The following NLGN1 variants were observed in gnomAD, a reference collection of about 807,000 sequenced individuals.
NLGN1 encodes the protein neuroligin-1.
Under a neutral mutation model 65.5 loss-of-function variants are expected in NLGN1, and 12 were observed. The observed-to-expected ratio is 0.18, with a 90% confidence interval of 0.12 to 0.30. The LOEUF (loss-of-function observed/expected upper bound fraction) is 0.30, where lower values mean the gene tolerates loss of function less well. Ranked by LOEUF, NLGN1 falls within the 10% of genes least tolerant of loss-of-function variation. The pLI, the probability that NLGN1 is intolerant of heterozygous loss-of-function variation, is 1.00. For synonymous variants in NLGN1, 350 were observed against 359.5 expected (o/e 0.97, Z 0.30); for missense variants, 750 against 1,007.1 (o/e 0.74, Z 3.46).
chr3:174,280,368 C>A lies in NLGN1; in HGVS notation c.1650-113C>A. ...AAATTGACCCAAATTAATGTTAAAA[C>A]ACAATCTAAAGCATTGCTGAGTCAT... On this transcript the variant is annotated intron_variant, in intron 6 of 6. Coordinates refer to ENST00000457714, the Ensembl canonical transcript of NLGN1. This position sits in a 1 kb window ranked among gnomAD's most constrained non-coding sequence, Gnocchi z 4.9. 2 of 737,806 alleles carry A rather than the reference C, an allele frequency of 2.7e-6. No individual in the cohort carries two copies. The highest frequency in any genetic ancestry group is 2.2e-6 in the Non-Finnish European group (1 of 461,702). 45.7% of individuals were successfully genotyped at this position (737,806 alleles called of 1,614,324 possible). A position where few individuals can be genotyped will look rare whatever the true frequency, so the allele number is the denominator to read the frequency against.
intron 2 of NLGN1, among the ~76,000 whole-genome samples, chr3:173,473,493 A>G (rs1725645234): frequency 6.6e-6 from 1 of 152,186 alleles, no homozygotes; most frequent in Non-Finnish European, 1.5e-5. Context: ...ACCTTCAAAT[A>G]TGGACCTTGA....
At chr3:174,118,810 G>T (rs1717131336) in intron 4 of NLGN1, among the ~76,000 whole-genome samples, 1 of 152,076 alleles carries the variant, frequency 6.6e-6, no homozygotes, top group Non-Finnish European at 1.5e-5. Context: ...GAAATTGGTG[G>T]CCGTGTATTA....
intron 4 of NLGN1, among the ~76,000 whole-genome samples, chr3:173,959,823 A>G (rs180725060): frequency 2.0e-5 from 3 of 152,300 alleles, no homozygotes; most frequent in Admixed American, 2.0e-4. Flanking sequence ...CATAATTTAT[A>G]TGTCAGGTAA....
At chr3:173,745,626 C>T (rs563434767) in intron 3 of NLGN1, among the ~76,000 whole-genome samples, 1 of 151,956 alleles carries the variant, frequency 6.6e-6, no homozygotes, top group South Asian at 2.1e-4. Context: ...ATCATCAGCC[C>T]CACACCTAAC....
At position 174,077,278 on chromosome 3, in the gene NLGN1, T is replaced by C. The variant is rs192140055; in HGVS notation, c.647-198037T>C. ...AAGCATTATAGTACTTAGAAAGTAA[T>C]GCTCCCTTAAGATCCAAATGCATCA... On this transcript the variant is annotated intron_variant, in intron 4 of 6. Coordinates refer to ENST00000457714, the Ensembl canonical transcript of NLGN1. Among the ~76,000 whole-genome samples the C allele has an allele frequency of 3.3e-5, 5 of 152,202 alleles. No homozygotes were observed. The East Asian group carries it at 9.7e-4, about 30-fold the overall frequency.
intron 2 of NLGN1, among the ~76,000 whole-genome samples, chr3:173,515,029 A>C (rs903026594): frequency 2.0e-5 from 3 of 152,174 alleles, no homozygotes; most frequent in African/African-American, 7.2e-5. Context: ...CCAGAATGGG[A>C]TTGCTGAATT....
intron 3 of NLGN1, among the ~76,000 whole-genome samples, chr3:173,686,690 C>T (rs573901055): frequency 1.4e-3 from 213 of 152,268 alleles, no homozygotes; most frequent in African/African-American, 5.0e-3. Flanking sequence ...TGCAGTGGCT[C>T]ACACCTATAA....
At chr3:173,486,813 C>T (rs9860947) in intron 2 of NLGN1, among the ~76,000 whole-genome samples, 27,127 of 151,326 alleles carry the variant, frequency 0.18, 2,575 homozygotes, top group Middle Eastern at 0.27. Context: ...GTATGTTTCA[C>T]TAATTTCTGT....
intron 3 of NLGN1, among the ~76,000 whole-genome samples, chr3:173,630,577 T>A (rs556324914): frequency 2.6e-5 from 4 of 152,276 alleles, no homozygotes; most frequent in Admixed American, 2.6e-4. Flanking sequence ...TTCACTTTTT[T>A]TTCAGTCATC....
rs137985478 is a variant in NLGN1, at chr3:173,441,782, A to G, written c.-321+6704A>G. 1.4e-3 allele frequency among the ~76,000 whole-genome samples: 207 copies of G among 152,284 alleles called. 2 individuals carry two copies. The highest frequency in any genetic ancestry group is 4.7e-3 in the African/African-American group (195 of 41,566). On this transcript the variant is annotated intron_variant, in intron 2 of 6. Coordinates refer to ENST00000457714, the Ensembl canonical transcript of NLGN1. ...ACATGCTGTTGGGAAAATGACACCA[A>G]TCAATTTGGCTAATGCAGAGTTGCC...
chr3:174,006,109 G>A (rs1360354437), intron 4 of NLGN1, among the ~76,000 whole-genome samples: 2 of 151,954 alleles, frequency 1.3e-5, no homozygotes, highest in African/African-American at 4.8e-5. Flanking sequence ...CTTTCTCAGA[G>A]TTTACTCTTC....
At chr3:174,102,160 T>C (rs17261458) in intron 4 of NLGN1, among the ~76,000 whole-genome samples, 1 of 152,150 alleles carries the variant, frequency 6.6e-6, no homozygotes. Context: ...CACTGACAAA[T>C]GTACTGCTGA....
At chr3:173,465,524 A>G (rs1724199200) in intron 2 of NLGN1, among the ~76,000 whole-genome samples, 1 of 152,212 alleles carries the variant, frequency 6.6e-6, no homozygotes, top group Non-Finnish European at 1.5e-5. Context: ...AATTTGATGT[A>G]AAGCCTATGT....
At chr3:173,539,622 A>T (rs914534471) in intron 2 of NLGN1, among the ~76,000 whole-genome samples, 1 of 67,184 alleles carries the variant, frequency 1.5e-5, no homozygotes, top group South Asian at 6.4e-4. Flanking sequence ...TATATTATAT[A>T]TTTATATATA....
intron 4 of NLGN1, among the ~76,000 whole-genome samples, chr3:174,079,243 T>C (rs1217608890): frequency 1.3e-5 from 2 of 149,804 alleles, no homozygotes; most frequent in African/African-American, 4.9e-5. Flanking sequence ...GAACAGAAAA[T>C]TTTCAAAAGG....
chr3:174,236,764 A>G (rs968625868), intron 4 of NLGN1, among the ~76,000 whole-genome samples: 2 of 152,020 alleles, frequency 1.3e-5, no homozygotes, highest in African/African-American at 2.4e-5. Context: ...ATTTATTGTA[A>G]CTGCACTCTA....
intron 3 of NLGN1, among the ~76,000 whole-genome samples, chr3:173,642,951 ATTT>A (rs1306245943): frequency 6.6e-6 from 1 of 152,208 alleles, no homozygotes. Context: ...TGTATTAAAT[ATTT>A]TTAAGTTAAA....
chr3:173,544,622 G>A (rs1271295008), intron 2 of NLGN1, among the ~76,000 whole-genome samples: 1 of 151,898 alleles, frequency 6.6e-6, no homozygotes, highest in Non-Finnish European at 1.5e-5. Context: ...TGATCTGTGG[G>A]ATATCCAAAT....
exon 7 of NLGN1, chr3:174,283,061 A>C (rs1468186122): frequency 6.6e-6 from 1 of 151,958 alleles, no homozygotes; most frequent in Non-Finnish European, 1.5e-5. Context: ...CAATGCTAAG[A>C]AACATGATCT....
Sources: allele counts gnomAD v4.1 joint callset (sites outside exome capture counted in the v4.1 genomes callset), GRCh38; gene constraint gnomAD v4.1.1; non-coding constraint Gnocchi (gnomAD v3.1); transcripts MANE v1.5; gene names NCBI Gene and HGNC (gene_info 2026-07-23, HGNC 2026-07-21).